The following PLEKHA8 variants were observed in gnomAD, a reference collection of about 807,000 sequenced individuals.
PLEKHA8 encodes pleckstrin homology domain containing A8.
A neutral mutation model predicts 68.2 loss-of-function variants in PLEKHA8; 36 were observed. That is an observed-to-expected ratio of 0.53 (90% CI 0.40 to 0.70). The LOEUF (loss-of-function observed/expected upper bound fraction) is 0.70. PLEKHA8 is among the 30% of genes least tolerant of loss of function. PLEKHA8 has a pLI of 0.00. For missense variants in PLEKHA8, 505 were observed against 615.4 expected, an observed-to-expected ratio of 0.82 and a Z score of 1.90; for synonymous variants, 211 against 216.1, an observed-to-expected ratio of 0.98 and a Z score of 0.20.
At position 30,082,861 on chromosome 7, in the gene PLEKHA8, G is replaced by A; in HGVS notation, c.*4074G>A. On this transcript the variant is annotated 3_prime_UTR_variant, in exon 14 of 14. Coordinates refer to ENST00000449726, the MANE Select transcript of PLEKHA8 (RefSeq NM_001197026.2). ...CAATAGACGATGATGCGAGGCATTTGGGGAGCTTCCTGGAGGAAAATTAAG... is the reference window on the plus strand; with the variant it reads ...CAATAGACGATGATGCGAGGCATTTAGGGAGCTTCCTGGAGGAAAATTAAG... 7.1e-6 allele frequency: 7 copies of A among 985,270 alleles called. No homozygotes were observed. Among genetic ancestry groups the A allele is most frequent in the Non-Finnish European group, 8.4e-6 (7 of 829,894 alleles). The allele number at this position is 985,270 out of a possible 1,614,324, so 61.0% of individuals were successfully genotyped here.
At chr7:30,030,115 G>A (rs1436459950) in intron 1 of PLEKHA8, among the ~76,000 whole-genome samples, 15 of 152,220 alleles carry the variant, frequency 9.9e-5, no homozygotes, top group Admixed American at 9.8e-4. Context: ...AACCTAAGGG[G>A]AGGAGGCTCG....
chr7:30,061,803 C>G, intron 10 of PLEKHA8, 94 bp from the exon 11 acceptor site: 1 of 1,383,378 alleles, frequency 7.2e-7, no homozygotes, highest in East Asian at 2.3e-5. Context: ...TTCTTAGAGG[C>G]CTGCTTGCCA....
intron 13 of PLEKHA8, among the ~76,000 whole-genome samples, chr7:30,097,820 T>A (rs1044554920): frequency 2.6e-5 from 4 of 152,230 alleles, no homozygotes; most frequent in Non-Finnish European, 5.9e-5. Context: ...CATTCTTCTC[T>A]CAACTCGTCA....
intron 13 of PLEKHA8, among the ~76,000 whole-genome samples, chr7:30,116,973 C>T (rs1796588893): frequency 6.6e-6 from 1 of 152,226 alleles, no homozygotes; most frequent in South Asian, 2.1e-4. Context: ...AGTTTGGCTT[C>T]AGGAGAGTGG....
chr7:30,103,570 G>T (rs1795945999), intron 13 of PLEKHA8, among the ~76,000 whole-genome samples: 1 of 152,182 alleles, frequency 6.6e-6, no homozygotes. Context: ...GGTATGTATT[G>T]GTGTAAAGGT....
chr7:30,049,340 T>A lies in PLEKHA8; in HGVS notation c.555T>A (p.Thr185=), dbSNP rs778184033. 6 of 1,613,990 alleles carry A rather than the reference T, an allele frequency of 3.7e-6. No individual in the cohort carries two copies. In the South Asian group the frequency reaches 6.6e-5, roughly 18 times the overall value. Reference sequence around the variant, plus strand: ...TCACCTCTGAGCTGCTCTACCGCACTCCACCAGGATCACCTCAGCTGGCCA... The same window carrying A: ...TCACCTCTGAGCTGCTCTACCGCACACCACCAGGATCACCTCAGCTGGCCA... The part of the protein sequence containing the change: ...AAFTSELLYR[T]PPGSPQLAML... Residue 185 remains threonine, a synonymous_variant, in exon 5 of 14, where the codon ACT becomes ACA. Transcript: ENST00000449726.
intron 1 of PLEKHA8, among the ~76,000 whole-genome samples, chr7:30,037,359 G>A (rs923367931): frequency 6.6e-6 from 1 of 152,080 alleles, no homozygotes; most frequent in Admixed American, 6.6e-5. Flanking sequence ...TTTGGAAACA[G>A]GGTCTCGCTA....
exon 14 of PLEKHA8, chr7:30,129,381 G>A (rs570002246): frequency 1.3e-6 from 2 of 1,591,466 alleles, no homozygotes; most frequent in East Asian, 2.2e-5. Context: ...CTGAAACCCT[G>A]ATGATAAAGA....
At chr7:30,051,089 A>G (rs868744634) in intron 6 of PLEKHA8, among the ~76,000 whole-genome samples, 1 of 152,232 alleles carries the variant, frequency 6.6e-6, no homozygotes, top group African/African-American at 2.4e-5. Flanking sequence ...TTGTACAGAT[A>G]GGGTTTCACC....
At chr7:30,115,978 ATG>A (rs1796501992) in intron 13 of PLEKHA8, 1 of 139,756 alleles carries the variant, frequency 7.2e-6, no homozygotes, top group African/African-American at 2.6e-5. Flanking sequence ...ATGTGCATGC[ATG>A]CATGTATGCA....
intron 12 of PLEKHA8, among the ~76,000 whole-genome samples, chr7:30,067,138 G>T (rs963162012): frequency 4.6e-5 from 7 of 152,224 alleles, no homozygotes; most frequent in Admixed American, 2.0e-4. Context: ...GTCCATACAA[G>T]TCAATTTGCC....
chr7:30,037,254 C>G (rs1197810125), intron 1 of PLEKHA8, among the ~76,000 whole-genome samples: 1 of 152,120 alleles, frequency 6.6e-6, no homozygotes, highest in African/African-American at 2.4e-5. Flanking sequence ...TGTCTTGACT[C>G]AACATTTCAG....
At chr7:30,062,620 C>T (rs569496337) in intron 11 of PLEKHA8, 52 bp from the exon 12 acceptor site, 3 of 1,377,698 alleles carry the variant, frequency 2.2e-6, no homozygotes, top group Middle Eastern at 1.8e-4. Context: ...TTTATACCCA[C>T]TCAACATAAG....
intron 13 of PLEKHA8, chr7:30,115,833 T>C (rs1488536407): frequency 2.1e-5 from 3 of 143,546 alleles, no homozygotes; most frequent in African/African-American, 5.1e-5. Flanking sequence ...TGCGTGCACA[T>C]ACATGTATAC....
chr7:30,102,431 G>C (rs1446967645), intron 13 of PLEKHA8, among the ~76,000 whole-genome samples: 1 of 152,158 alleles, frequency 6.6e-6, no homozygotes, highest in Non-Finnish European at 1.5e-5. Flanking sequence ...GTATAGACTC[G>C]AGGAAATTAA....
rs144147896 is a variant in PLEKHA8 at position 30,055,531 on chromosome 7, T to A, written c.1039+189T>A. Among the ~76,000 whole-genome samples, 13 of 152,336 alleles carry A rather than the reference T, an allele frequency of 8.5e-5. No individual in the cohort carries two copies. In the East Asian group the frequency reaches 2.5e-3, roughly 29 times the overall value. On this transcript the variant is annotated intron_variant, in intron 9 of 13. Transcript: ENST00000449726. ...TTATTGCATATTCCCATTTCATTTC[T>A]AATAATGATTAAATATTGACCTCAA...
chr7:30,107,136 T>C (rs1448318542), intron 13 of PLEKHA8, among the ~76,000 whole-genome samples: 1 of 152,190 alleles, frequency 6.6e-6, no homozygotes, highest in Non-Finnish European at 1.5e-5. Flanking sequence ...TCGCTGTCAC[T>C]ACAAAATTTC....
chr7:30,109,187 G>T (rs1796176283), intron 13 of PLEKHA8, among the ~76,000 whole-genome samples: 1 of 151,972 alleles, frequency 6.6e-6, no homozygotes, highest in African/African-American at 2.4e-5. Flanking sequence ...TTTTATTTTG[G>T]AATAATTTTA....
intron 1 of PLEKHA8, among the ~76,000 whole-genome samples, chr7:30,041,121 A>C (rs1791499595): frequency 6.6e-6 from 1 of 152,198 alleles, no homozygotes; most frequent in Non-Finnish European, 1.5e-5. Context: ...CCAGCACTGG[A>C]CATTATGAAA....
Sources: allele counts gnomAD v4.1 joint callset (sites outside exome capture counted in the v4.1 genomes callset), GRCh38; gene constraint gnomAD v4.1.1; transcripts MANE v1.5; gene names NCBI Gene and HGNC (gene_info 2026-07-23, HGNC 2026-07-21).